Variants in ZSWIM6 observed in about 807,000 individuals in gnomAD.
The protein encoded by ZSWIM6 is zinc finger SWIM-type containing 6, also known as zinc finger SWIM domain-containing protein 6.
ZSWIM6 carries 9 observed loss-of-function variants against 113.2 expected under a neutral mutation model. The ratio of observed to expected loss-of-function variants is 0.08; its 90% CI spans 0.05 to 0.14. The LOEUF (loss-of-function observed/expected upper bound fraction) is 0.14. Among genes scored for constraint, ZSWIM6 ranks in the 10% least tolerant of loss-of-function variants. ZSWIM6 has a pLI of 1.00. For synonymous variants in ZSWIM6, 611 were observed against 606.5 expected (o/e 1.01, Z -0.11); for missense variants, 1,162 against 1,552.2 (o/e 0.75, Z 4.22).
intron 1 of ZSWIM6, chr5:61,375,597 G>C: frequency 6.5e-7 from 1 of 1,532,788 alleles, no homozygotes; most frequent in East Asian, 2.5e-5. Flanking sequence ...AAAAGAAAAA[G>C]AAGTCAAAAG....
intron 7 of ZSWIM6, among the ~76,000 whole-genome samples, chr5:61,528,590 T>G (rs964785158): frequency 4.0e-5 from 6 of 150,296 alleles, no homozygotes; most frequent in African/African-American, 1.5e-4. Flanking sequence ...CCGTTTTTCC[T>G]CTTTTTTTTT....
intron 1 of ZSWIM6, among the ~76,000 whole-genome samples, chr5:61,398,322 T>C (rs1374768641): frequency 2.0e-5 from 3 of 152,138 alleles, no homozygotes; most frequent in African/African-American, 7.2e-5. Context: ...GGGATCTAGG[T>C]TGCACACTCC....
At chr5:61,521,149 T>C in intron 4 of ZSWIM6, 114 bp from the exon 5 acceptor site, 1 of 548,244 alleles carries the variant, frequency 1.8e-6, no homozygotes. Flanking sequence ...ATTTAAAATT[T>C]TAAATATATA....
At chr5:61,395,736 T>C (rs1745824268) in intron 1 of ZSWIM6, among the ~76,000 whole-genome samples, 1 of 152,178 alleles carries the variant, frequency 6.6e-6, no homozygotes. Flanking sequence ...TTAAGCAAAG[T>C]TTTTATAAGT....
intron 1 of ZSWIM6, among the ~76,000 whole-genome samples, chr5:61,413,843 A>G (rs57709834): frequency 0.042 from 6,268 of 147,680 alleles, 236 homozygotes; most frequent in South Asian, 0.19. Flanking sequence ...ATCTGTTCAT[A>G]TCCTTTGCCC....
intron 9 of ZSWIM6, among the ~76,000 whole-genome samples, chr5:61,533,227 G>A (rs1749488631): frequency 6.6e-6 from 1 of 152,232 alleles, no homozygotes; most frequent in Non-Finnish European, 1.5e-5. Flanking sequence ...AGGACAGGAG[G>A]CAGTCCAAGG....
chr5:61,459,693 C>T (rs982295390), intron 1 of ZSWIM6, among the ~76,000 whole-genome samples: 10 of 152,178 alleles, frequency 6.6e-5, no homozygotes, highest in African/African-American at 2.4e-4. Flanking sequence ...TTTATTCATT[C>T]ACTCAATAAG....
intron 11 of ZSWIM6, 71 bp from the exon 12 acceptor site, chr5:61,539,525 G>C: frequency 6.7e-7 from 1 of 1,483,932 alleles, no homozygotes; most frequent in South Asian, 1.3e-5. Flanking sequence ...ATGGTTGTAT[G>C]ATTTTTGTTT....
At chr5:61,489,711 C>G (rs1038430798) in intron 2 of ZSWIM6, among the ~76,000 whole-genome samples, 1 of 151,934 alleles carries the variant, frequency 6.6e-6, no homozygotes, top group African/African-American at 2.4e-5. Context: ...TAGTTTGTAC[C>G]GCTATTCTAT....
intron 2 of ZSWIM6, among the ~76,000 whole-genome samples, chr5:61,480,578 G>A (rs905156042): frequency 6.6e-6 from 1 of 152,128 alleles, no homozygotes; most frequent in Non-Finnish European, 1.5e-5. Flanking sequence ...TAAAGATCTG[G>A]CTGTTTCAAC....
rs1245362857 is a variant in ZSWIM6 at position 61,472,964 on chromosome 5, A to G, written c.960A>G (p.Thr320=). ...FVQYLITVHH[T]EVLPTAQKLA... is the part of the protein sequence containing the mutation. ...AGTATTTGATCACAGTGCACCACAC[A>G]GAAGTTTTGCCAACTGCTCAAAAAT... The change falls in exon 2 of 14, where the codon ACA becomes ACG. Residue 320 remains threonine, a synonymous_variant. Coordinates refer to ENST00000252744, the MANE Select transcript of ZSWIM6 (RefSeq NM_020928.2). This position sits in a 1 kb window ranked among gnomAD's most constrained non-coding sequence, Gnocchi z 4.1. The G allele has an allele frequency of 3.2e-6, 5 of 1,544,134 alleles. No homozygotes were observed. The Admixed American group carries it at 1.0e-4, about 31-fold the overall frequency.
chr5:61,469,709 T>G (rs1427036898), intron 1 of ZSWIM6, among the ~76,000 whole-genome samples: 3 of 147,074 alleles, frequency 2.0e-5, no homozygotes, highest in Non-Finnish European at 4.5e-5. Flanking sequence ...CCCCCCAACC[T>G]TTTTTTTTTA....
chr5:61,385,625 C>T (rs1177051875), intron 1 of ZSWIM6, among the ~76,000 whole-genome samples: 1 of 152,180 alleles, frequency 6.6e-6, no homozygotes, highest in Non-Finnish European at 1.5e-5. Flanking sequence ...TGTTAATGCT[C>T]TTTTCTCTTT....
At chr5:61,498,627 A>G (rs1338419884) in intron 4 of ZSWIM6, among the ~76,000 whole-genome samples, 1 of 152,198 alleles carries the variant, frequency 6.6e-6, no homozygotes, top group East Asian at 1.9e-4. Flanking sequence ...GTTTGGCAGT[A>G]GAGAACACAG....
intron 4 of ZSWIM6, among the ~76,000 whole-genome samples, chr5:61,501,767 CTTTCT>C (rs1369026657): frequency 1.3e-5 from 2 of 152,168 alleles, no homozygotes; most frequent in Admixed American, 1.3e-4. Flanking sequence ...ATTCCAGTTA[CTTTCT>C]TTTATGTCAT....
intron 1 of ZSWIM6, among the ~76,000 whole-genome samples, chr5:61,413,837 G>T (rs991353063): frequency 6.7e-6 from 1 of 148,478 alleles, no homozygotes; most frequent in Non-Finnish European, 1.5e-5. Context: ...AGAAGTATCT[G>T]TTCATATCCT....
intron 1 of ZSWIM6, among the ~76,000 whole-genome samples, chr5:61,353,394 A>G (rs1455857960): frequency 6.6e-6 from 1 of 152,210 alleles, no homozygotes; most frequent in Non-Finnish European, 1.5e-5. Flanking sequence ...GTCACTTGTC[A>G]GGAGCATCTG....
intron 1 of ZSWIM6, among the ~76,000 whole-genome samples, chr5:61,404,168 C>G (rs1309127040): frequency 6.6e-6 from 1 of 152,116 alleles, no homozygotes; most frequent in African/African-American, 2.4e-5. Flanking sequence ...CCACCACGCC[C>G]GGCTAATTTT....
At chr5:61,466,899 C>T (rs534254738) in intron 1 of ZSWIM6, among the ~76,000 whole-genome samples, 14 of 152,148 alleles carry the variant, frequency 9.2e-5, no homozygotes, top group Admixed American at 7.2e-4. Flanking sequence ...TAATTTGGAA[C>T]GTCAATGAAG....
Sources: gnomAD v4.1 joint callset for allele counts (sites outside exome capture counted in the v4.1 genomes callset) on GRCh38, gnomAD v4.1.1 for gene constraint, Gnocchi (gnomAD v3.1) non-coding constraint, MANE v1.5 for transcripts, NCBI Gene and HGNC (gene_info 2026-07-23, HGNC 2026-07-21) for gene names.